The following ERC2 variants were observed in gnomAD, a reference collection of about 807,000 sequenced individuals.
The protein encoded by ERC2 is ELKS/RAB6-interacting/CAST family member 2, also known as ERC protein 2.
ERC2 carries 42 observed loss-of-function variants against 114.8 expected under a neutral mutation model. The ratio of observed to expected loss-of-function variants is 0.37; its 90% CI spans 0.29 to 0.47. ERC2 has a LOEUF of 0.47. Among genes scored for constraint, ERC2 ranks in the 20% least tolerant of loss-of-function variants. ERC2 has a pLI of 0.99. For synonymous variants in ERC2, 454 were observed against 425.5 expected, an observed-to-expected ratio of 1.07 and a Z score of -0.82; for missense variants, 939 against 1,150.7, an observed-to-expected ratio of 0.82 and a Z score of 2.66.
intron 17 of ERC2, among the ~76,000 whole-genome samples, chr3:55,673,767 C>T (rs1388164369): frequency 2.6e-5 from 4 of 151,228 alleles, no homozygotes; most frequent in Non-Finnish European, 4.4e-5. Flanking sequence ...AATCCAGTGC[C>T]GTGGGCCAAT....
intron 12 of ERC2, among the ~76,000 whole-genome samples, chr3:55,964,295 G>T (rs747176198): frequency 2.0e-5 from 3 of 152,168 alleles, no homozygotes; most frequent in Non-Finnish European, 4.4e-5. Context: ...AAAAGTTAGG[G>T]ATGCAGAATT....
chr3:56,164,727 T>C (rs1234278954), intron 4 of ERC2, among the ~76,000 whole-genome samples: 2 of 152,174 alleles, frequency 1.3e-5, no homozygotes, highest in Non-Finnish European at 2.9e-5. Context: ...ATATGAGAAT[T>C]CTAATTATTC....
At position 55,525,536 on chromosome 3, in the gene ERC2, G is replaced by A. The variant is rs186395961; in HGVS notation, c.*40-14260C>T. Reference sequence around the variant, plus strand: ...TGAGGGGTGGTGAGTAGGAGCTACCGAGTGGAAGAGGGAAGAGAGGAACCA... The same window carrying A: ...TGAGGGGTGGTGAGTAGGAGCTACCAAGTGGAAGAGGGAAGAGAGGAACCA... On this transcript the variant is annotated intron_variant, in intron 17 of 17. Transcript: ENST00000288221. 9.8e-5 allele frequency among the ~76,000 whole-genome samples: 15 copies of A among 152,290 alleles called. No individual in the cohort carries two copies. The East Asian group carries it at 1.9e-3, about 20-fold the overall frequency.
rs141055773 is a variant in ERC2, at chr3:55,772,277, G to A, written c.2565-37359C>T. Among the ~76,000 whole-genome samples, 1,172 of 152,002 alleles carry A rather than the reference G, an allele frequency of 7.7e-3. 15 individuals carry two copies. Among genetic ancestry groups the A allele is most frequent in the African/African-American group, 0.027 (1,118 of 41,468 alleles). On this transcript the variant is annotated intron_variant, in intron 14 of 17. Transcript: ENST00000288221. ...CCTGTCTCAGCCTCCCAAGTAGCTG[G>A]GACTGCAGGCATGCACCACCACGCC...
At chr3:55,925,437 A>C (rs2065690009) in intron 13 of ERC2, among the ~76,000 whole-genome samples, 1 of 152,174 alleles carries the variant, frequency 6.6e-6, no homozygotes, top group South Asian at 2.1e-4. Flanking sequence ...AGGGATGAGG[A>C]GGAGGTTGCA....
chr3:56,021,712 C>T (rs2073724735), intron 7 of ERC2, among the ~76,000 whole-genome samples: 1 of 152,170 alleles, frequency 6.6e-6, no homozygotes, highest in African/African-American at 2.4e-5. Flanking sequence ...TTCTGCTCCT[C>T]TCCCTCCTCC....
intron 13 of ERC2, among the ~76,000 whole-genome samples, chr3:55,940,266 A>G (rs1436782395): frequency 5.3e-5 from 8 of 152,050 alleles, no homozygotes; most frequent in Non-Finnish European, 8.8e-5. Flanking sequence ...CCTTACTTCA[A>G]TACAAGCCCC....
chr3:55,605,161 G>A (rs575993442), intron 17 of ERC2, among the ~76,000 whole-genome samples: 1 of 151,882 alleles, frequency 6.6e-6, no homozygotes, highest in East Asian at 1.9e-4. Context: ...TGTCGCCCAT[G>A]CTGGGCTGCA....
intron 15 of ERC2, among the ~76,000 whole-genome samples, chr3:55,730,332 C>T (rs949272304): frequency 2.0e-5 from 3 of 152,070 alleles, no homozygotes; most frequent in Non-Finnish European, 4.4e-5. Context: ...TAGATGATTC[C>T]CCAGCACTGC....
chr3:56,222,598 C>T (rs898252533), intron 3 of ERC2, among the ~76,000 whole-genome samples: 3 of 152,152 alleles, frequency 2.0e-5, no homozygotes, highest in Non-Finnish European at 4.4e-5. Flanking sequence ...ACCATCTACT[C>T]ATAAGTACTT....
chr3:56,374,258 A>G (rs35866364), intron 2 of ERC2, among the ~76,000 whole-genome samples: 48,351 of 151,876 alleles, frequency 0.32, 7,832 homozygotes, highest in Non-Finnish European at 0.33. Context: ...CACCACGCCC[A>G]GCTAATTTTT....
At chr3:56,422,945 G>A (rs778319582) in intron 2 of ERC2, among the ~76,000 whole-genome samples, 1 of 152,150 alleles carries the variant, frequency 6.6e-6, no homozygotes, top group Non-Finnish European at 1.5e-5. Flanking sequence ...AGACATGGAC[G>A]AAAACCACCA....
intron 2 of ERC2, among the ~76,000 whole-genome samples, chr3:56,413,833 A>G (rs1175860724): frequency 6.6e-6 from 1 of 152,204 alleles, no homozygotes; most frequent in Non-Finnish European, 1.5e-5. Flanking sequence ...CCCCAAACCA[A>G]ATAACCACCA....
intron 3 of ERC2, among the ~76,000 whole-genome samples, chr3:56,229,088 A>G (rs2050438688): frequency 6.6e-6 from 1 of 152,166 alleles, no homozygotes; most frequent in Non-Finnish European, 1.5e-5. Context: ...AATATACCCA[A>G]CATATACTTA....
chr3:55,585,385 C>T (rs933615109), intron 17 of ERC2, among the ~76,000 whole-genome samples: 3 of 152,026 alleles, frequency 2.0e-5, no homozygotes, highest in Non-Finnish European at 4.4e-5. Flanking sequence ...GATTTACCAC[C>T]GCTGAACTGG....
intron 4 of ERC2, among the ~76,000 whole-genome samples, chr3:56,169,808 TA>T (rs762242569): frequency 0.016 from 2,068 of 129,602 alleles, 13 homozygotes; most frequent in Non-Finnish European, 0.027. Context: ...TTCATTTTCT[TA>T]AAAAAAAAAA....
intron 6 of ERC2, among the ~76,000 whole-genome samples, chr3:56,085,313 G>T (rs1435363854): frequency 6.6e-6 from 1 of 152,188 alleles, no homozygotes; most frequent in East Asian, 1.9e-4. Context: ...GGATGAAGCT[G>T]GGAGGTCCCC....
At chr3:56,435,804 C>A (rs1024114921) in intron 1 of ERC2, among the ~76,000 whole-genome samples, 1 of 152,210 alleles carries the variant, frequency 6.6e-6, no homozygotes, top group African/African-American at 2.4e-5. Flanking sequence ...GTAGCTCAAC[C>A]AATGGGATGC....
chr3:55,818,648 G>A (rs920112816), intron 14 of ERC2, among the ~76,000 whole-genome samples: 4 of 152,230 alleles, frequency 2.6e-5, no homozygotes, highest in African/African-American at 9.6e-5. Context: ...ACTTCTGCAA[G>A]ATGGAGGCAT....
Sources: allele counts gnomAD v4.1 joint callset (sites outside exome capture counted in the v4.1 genomes callset), GRCh38; gene constraint gnomAD v4.1.1; transcripts MANE v1.5; gene names NCBI Gene and HGNC (gene_info 2026-07-23, HGNC 2026-07-21).